The following LOXL1 variants were observed in gnomAD, a reference collection of about 807,000 sequenced individuals.
LOXL1 encodes the protein lysyl oxidase homolog 1.
A neutral mutation model predicts 62.2 loss-of-function variants in LOXL1; 31 were observed. That is an observed-to-expected ratio of 0.50 (90% confidence interval 0.37 to 0.67). The LOEUF (loss-of-function observed/expected upper bound fraction) is 0.67. LOXL1 is among the 30% of genes least tolerant of loss of function. The pLI is 0.00. For synonymous variants in LOXL1, 403 were observed against 384.4 expected (o/e 1.05, Z -0.56); for missense variants, 775 against 843.4 (o/e 0.92, Z 1.00).
intron 1 of LOXL1, 85 bp downstream of exon 1, chr15:73,927,970 A>G: frequency 8.2e-7 from 1 of 1,212,708 alleles, no homozygotes; most frequent in Non-Finnish European, 1.0e-6. Flanking sequence ...CCTCCTTAGA[A>G]CTTCCTGGAG....
chr15:73,927,557 C>G lies in LOXL1; in HGVS notation c.774C>G (p.Pro258=). 15 of 1,501,894 alleles carry G rather than the reference C, an allele frequency of 1.0e-5. No homozygotes were observed. Among genetic ancestry groups the G allele is most frequent in the Non-Finnish European group, 1.3e-5 (15 of 1,132,290 alleles). 93.0% of individuals were successfully genotyped at this position (1,501,894 alleles called of 1,614,324 possible). A position where few individuals can be genotyped will look rare whatever the true frequency, so the allele number is the denominator to read the frequency against. ...GCTTCTACCCGGCCCCCGAGAGGCC[C>G]TACGTGCCGCCGCCGCCGCCGCCCC... ...PQGFYPAPER[P]YVPPPPPPPD... Residue 258 remains proline, a synonymous_variant, in exon 1 of 7, where the codon CCC becomes CCG. Transcript: ENST00000261921.
chr15:73,946,391 C>A (rs374225668), intron 2 of LOXL1, 26 bp from the exon 3 acceptor site: 85 of 1,536,954 alleles, frequency 5.5e-5, no homozygotes, highest in South Asian at 4.8e-4. Flanking sequence ...CCCAACCCCC[C>A]CTCATCTCCC....
intron 1 of LOXL1, among the ~76,000 whole-genome samples, chr15:73,938,281 A>ATCTATCTATCTATCTG (rs1293784965): frequency 4.7e-5 from 7 of 149,476 alleles, no homozygotes; most frequent in Non-Finnish European, 8.9e-5. Flanking sequence ...CTCCGTATCT[A>ATCTATCTATCTATCTG]TCTATCTATC....
Position 73,927,700 on chromosome 15 carries a change from G to T in LOXL1, c.917G>T (p.Arg306Leu), listed in dbSNP as rs991965130. Residue 306 changes from arginine to leucine, a missense_variant, in exon 1 of 7, where the codon CGC becomes CTC. Physicochemically the swap from Arg to Leu is moderately radical, Grantham distance 102. Transcript: ENST00000261921. ...GCGCAGGCCCATGGCGGAGACCCAC[G>T]CCTGGGCTGGTACCCGCCCTACGCC... ...EAAQAHGGDPRLGWYPPYANP... is the reference protein window; with the variant it reads ...EAAQAHGGDPLLGWYPPYANP... The T allele has an allele frequency of 2.7e-6, 4 of 1,479,866 alleles. No homozygotes were observed. The highest frequency in any genetic ancestry group is 3.6e-6 in the Non-Finnish European group (4 of 1,122,680). The allele number at this position is 1,479,866 out of a possible 1,614,324, so 91.7% of individuals were successfully genotyped here. A position where few individuals can be genotyped will look rare whatever the true frequency, so the allele number is the denominator to read the frequency against.
chr15:73,926,873 C>G lies in LOXL1; in HGVS notation c.90C>G (p.Pro30=). The G allele has an allele frequency of 6.4e-7, 1 of 1,554,760 alleles. No homozygotes were observed. Among genetic ancestry groups the G allele is most frequent in the Non-Finnish European group, 8.7e-7 (1 of 1,149,846 alleles). ...CVLVHGQQAQ[P]GQGSDPARWR... ...TGGTGCACGGGCAGCAGGCGCAGCC[C>G]GGGCAGGGCTCGGACCCCGCCCGCT... The change falls in exon 1 of 7, where the codon CCC becomes CCG. Residue 30 remains proline (P), a synonymous_variant. Transcript: ENST00000261921.
rs188934454 is a variant in LOXL1 at position 73,951,467 on chromosome 15, G to A, written c.1719-364G>A. The stretch of plus-strand genomic sequence containing the variant: ...TTCCCAGAAAGGCCACGGGACTGAC[G>A]CCTGTGGGTTTCCATCGTGTTTCTG... On this transcript the variant is annotated intron_variant, in intron 6 of 6. Coordinates refer to ENST00000261921, the MANE Select transcript of LOXL1 (RefSeq NM_005576.4). Among the ~76,000 whole-genome samples, 20 of 152,148 alleles carry A rather than the reference G, an allele frequency of 1.3e-4. No homozygotes were observed. In the East Asian group the frequency reaches 2.3e-3, roughly 18 times the overall value.
Position 73,947,054 on chromosome 15 carries a change from C to A in LOXL1, c.1350-13C>A. ...TAGGCCCTCTTCTTTCTCCTTCTCT[C>A]CTCTGCCCCTAGGCATTACCACAGC... On this transcript the variant is annotated splice_polypyrimidine_tract_variant and intron_variant, in intron 3 of 6. Coordinates refer to ENST00000261921, the MANE Select transcript of LOXL1 (RefSeq NM_005576.4). 6.3e-7 allele frequency: 1 copy of A among 1,585,464 alleles called. No individual in the cohort carries two copies. The highest frequency in any genetic ancestry group is 1.1e-5 in the South Asian group (1 of 88,604).
At position 73,931,779 on chromosome 15, in the gene LOXL1, C is replaced by T. The variant is rs1595843949; in HGVS notation, c.1102+3894C>T. Among the ~76,000 whole-genome samples the T allele has an allele frequency of 2.0e-5, 3 of 152,326 alleles. No individual in the cohort carries two copies. In the South Asian group the frequency reaches 6.2e-4, roughly 32 times the overall value. ...AGGCTGCCTGCCCACCTCTGCCCTCCAGGTCACTCGCCTTCCCCTGCAGAG... is the reference window on the plus strand; with the variant it reads ...AGGCTGCCTGCCCACCTCTGCCCTCTAGGTCACTCGCCTTCCCCTGCAGAG... On this transcript the variant is annotated intron_variant, in intron 1 of 6. Coordinates refer to ENST00000261921, the MANE Select transcript of LOXL1 (RefSeq NM_005576.4).
chr15:73,950,196 C>G (rs1190060994), intron 6 of LOXL1, among the ~76,000 whole-genome samples: 1 of 151,938 alleles, frequency 6.6e-6, no homozygotes, highest in Non-Finnish European at 1.5e-5. Context: ...AGTCTTTCTC[C>G]TGATTCCCCA....
At chr15:73,935,275 G>A (rs2068663109) in intron 1 of LOXL1, among the ~76,000 whole-genome samples, 1 of 152,186 alleles carries the variant, frequency 6.6e-6, no homozygotes, top group East Asian at 1.9e-4. Context: ...GGTAGCAATG[G>A]AGGAAGCCAG....
At chr15:73,944,584 G>T (rs1207068963) in intron 2 of LOXL1, among the ~76,000 whole-genome samples, 1 of 152,194 alleles carries the variant, frequency 6.6e-6, no homozygotes, top group African/African-American at 2.4e-5. Context: ...GAGCCCTGGG[G>T]CAGGAGGGCC....
At chr15:73,928,940 G>T (rs2068615443) in intron 1 of LOXL1, among the ~76,000 whole-genome samples, 1 of 151,594 alleles carries the variant, frequency 6.6e-6, no homozygotes, top group Non-Finnish European at 1.5e-5. Flanking sequence ...GAGAGCCCCA[G>T]CTGTGGACAG....
At chr15:73,944,526 A>G (rs1407253204) in intron 2 of LOXL1, among the ~76,000 whole-genome samples, 1 of 152,220 alleles carries the variant, frequency 6.6e-6, no homozygotes. Context: ...CTGAGGCCTC[A>G]GAGGAGGTGG....
chr15:73,951,451 A>G (rs1475759723), intron 6 of LOXL1, among the ~76,000 whole-genome samples: 3 of 152,122 alleles, frequency 2.0e-5, no homozygotes, highest in African/African-American at 7.2e-5. Flanking sequence ...GTTCCCAGAA[A>G]GGCCACGGGA....
In LOXL1 at chr15:73,926,469, G is replaced by A. The variant is rs1044953632; in HGVS notation, c.-315G>A. The A allele has an allele frequency of 5.2e-5, 15 of 291,178 alleles. No individual in the cohort carries two copies. Among genetic ancestry groups the A allele is most frequent in the Non-Finnish European group, 8.9e-5 (14 of 157,608 alleles). The allele number at this position is 291,178 out of a possible 1,614,324, so 18.0% of individuals were successfully genotyped here. A position where few individuals can be genotyped will look rare whatever the true frequency, so the allele number is the denominator to read the frequency against. ...CCAGCCTGTTGCTTATTCATTCAGAGTGGGAAAGCGCCAGCCGAGCGGCCA... is the reference window on the plus strand; with the variant it reads ...CCAGCCTGTTGCTTATTCATTCAGAATGGGAAAGCGCCAGCCGAGCGGCCA... On this transcript the variant is annotated 5_prime_UTR_variant, in exon 1 of 7. In the 5' UTR this introduces an upstream ATG that the reference lacks. Coordinates refer to ENST00000261921, the MANE Select transcript of LOXL1 (RefSeq NM_005576.4).
At chr15:73,949,726 G>A (rs114910892) in intron 6 of LOXL1, 152 bp downstream of exon 6, 27,741 of 635,688 alleles carry the variant, frequency 0.044, 1,457 homozygotes, top group East Asian at 0.21. Flanking sequence ...AGCCTTGTCC[G>A]TGCCAACCCC....
Position 73,927,788 on chromosome 15 carries a change from C to T in LOXL1, c.1005C>T (p.Arg335=), listed in dbSNP as rs2068599664. ...TGGAGCCGCCCTACCTGCCGGTGCG[C>T]AGCTCCGACACGCCCCCGCCGGGTG... ...RALEPPYLPV[R]SSDTPPPGGE... is the part of the protein sequence containing the mutation. Residue 335 remains arginine (R), a synonymous_variant, in exon 1 of 7, where the codon CGC becomes CGT. Coordinates refer to ENST00000261921, the MANE Select transcript of LOXL1 (RefSeq NM_005576.4). 2 of 1,397,432 alleles carry T rather than the reference C, an allele frequency of 1.4e-6. No homozygotes were observed. Among genetic ancestry groups the T allele is most frequent in the Non-Finnish European group, 1.8e-6 (2 of 1,084,036 alleles). The allele number at this position is 1,397,432 out of a possible 1,614,324, so 86.6% of individuals were successfully genotyped here. A position where few individuals can be genotyped will look rare whatever the true frequency, so the allele number is the denominator to read the frequency against.
intron 1 of LOXL1, among the ~76,000 whole-genome samples, chr15:73,935,772 A>T (rs1335662880): frequency 6.6e-6 from 1 of 152,140 alleles, no homozygotes; most frequent in Non-Finnish European, 1.5e-5. Context: ...CACACTTACA[A>T]ATCCCTTCTG....
chr15:73,927,968 G>A, intron 1 of LOXL1, 83 bp downstream of exon 1: 1 of 1,214,546 alleles, frequency 8.2e-7, no homozygotes, highest in Non-Finnish European at 1.0e-6. Flanking sequence ...CCCCTCCTTA[G>A]AACTTCCTGG....
Sources: allele counts gnomAD v4.1 joint callset (sites outside exome capture counted in the v4.1 genomes callset), GRCh38; gene constraint gnomAD v4.1.1; transcripts MANE v1.5; gene names NCBI Gene and HGNC (gene_info 2026-07-23, HGNC 2026-07-21).